IBTK: variants seen among roughly 807,000 people sequenced by gnomAD.
IBTK encodes inhibitor of Bruton tyrosine kinase.
A neutral mutation model predicts 154.9 loss-of-function variants in IBTK; 83 were observed. That is an observed-to-expected ratio of 0.54 (90% confidence interval 0.45 to 0.64). IBTK has a LOEUF of 0.64. Ranked by LOEUF, IBTK falls within the 30% of genes least tolerant of loss-of-function variation. IBTK has a pLI of 0.00. For synonymous variants in IBTK, 515 were observed against 536.1 expected (o/e 0.96, Z 0.54); for missense variants, 1,332 against 1,584.6 (o/e 0.84, Z 2.71).
In IBTK at chr6:82,173,381, A is replaced by T; in HGVS notation, c.3783T>A (p.Leu1261=). Residue 1261 remains leucine (L), a synonymous_variant, in exon 27 of 29, where the codon CTT becomes CTA. Transcript: ENST00000306270. ...PEGNHISDLP[L]LDSPNPWLSS... The stretch of plus-strand genomic sequence containing the variant: ...ATTAACCTTACTTGGGACTGTCTAG[A>T]AGTGGTAAATCTGAAATATGGTTGC... 6.2e-7 allele frequency: 1 copy of T among 1,613,100 alleles called. No homozygotes were observed. Among genetic ancestry groups the T allele is most frequent in the South Asian group, 1.1e-5 (1 of 91,008 alleles).
At chr6:82,222,781 A>T (rs1460999256) in intron 8 of IBTK, among the ~76,000 whole-genome samples, 1 of 151,936 alleles carries the variant, frequency 6.6e-6, no homozygotes, top group Non-Finnish European at 1.5e-5. Flanking sequence ...AAACTTTATG[A>T]AGCTGGGCGC....
chr6:82,220,467 C>T, intron 9 of IBTK, 123 bp downstream of exon 9: 1 of 999,856 alleles, frequency 1.0e-6, no homozygotes, highest in African/African-American at 1.7e-5. Context: ...TTTTGGCACC[C>T]AATACTAATC....
chr6:82,209,077 GAT>G (rs1455745225), intron 16 of IBTK, among the ~76,000 whole-genome samples: 1 of 152,152 alleles, frequency 6.6e-6, no homozygotes, highest in Admixed American at 6.5e-5. Context: ...AAAAAAGGTT[GAT>G]ATTAGTAAGT....
chr6:82,230,418 A>C (rs1770463098), intron 4 of IBTK, among the ~76,000 whole-genome samples: 1 of 152,204 alleles, frequency 6.6e-6, no homozygotes, highest in Non-Finnish European at 1.5e-5. Flanking sequence ...ATAAACACAT[A>C]ATTAGCTCTT....
Position 82,191,202 on chromosome 6 carries a change from T to C in IBTK, c.3446A>G (p.His1149Arg), listed in dbSNP as rs145495116. The part of the protein sequence containing the change: ...PKSHLGKTVS[H>R]GVKLSQKQRK... The stretch of plus-strand genomic sequence containing the variant: ...TTGCTTCTGAGAAAGTTTAACTCCA[T>C]GAGAAACTGTTTTGCTAGAAATTAA... The change falls in exon 25 of 29, where the codon CAT (histidine) becomes CGT (arginine). Residue 1149 changes from histidine to arginine, a missense_variant. Coordinates refer to ENST00000306270, the MANE Select transcript of IBTK (RefSeq NM_015525.4). 6.6e-4 allele frequency: 1,066 copies of C among 1,606,722 alleles called. No homozygotes were observed. Among genetic ancestry groups the C allele is most frequent in the Non-Finnish European group, 8.4e-4 (988 of 1,177,882 alleles).
At chr6:82,203,630 C>A (rs148692372) in intron 17 of IBTK, among the ~76,000 whole-genome samples, 40 of 152,084 alleles carry the variant, frequency 2.6e-4, no homozygotes, top group African/African-American at 9.2e-4. Context: ...AATCAGAGAC[C>A]AAAGGAGGTG....
At position 82,191,514 on chromosome 6, in the gene IBTK, T is replaced by C. The variant is rs1768768079; in HGVS notation, c.3431+273A>G. On this transcript the variant is annotated intron_variant, in intron 24 of 28. Transcript: ENST00000306270. Reference sequence around the variant, plus strand: ...ACTTGCATCACAAGCCTTAACTCTTTGGCTTTTGTAGCCAATAGTCCACAA... The same window carrying C: ...ACTTGCATCACAAGCCTTAACTCTTCGGCTTTTGTAGCCAATAGTCCACAA... The C allele has an allele frequency of 2.3e-5, 13 of 569,956 alleles. No individual in the cohort carries two copies. The South Asian group carries it at 2.7e-4, about 12-fold the overall frequency. 35.3% of individuals were successfully genotyped at this position (569,956 alleles called of 1,614,324 possible). A position where few individuals can be genotyped will look rare whatever the true frequency, so the allele number is the denominator to read the frequency against.
chr6:82,225,357 T>C (rs984725911), intron 6 of IBTK, 120 bp downstream of exon 6: 5 of 641,356 alleles, frequency 7.8e-6, no homozygotes, highest in Non-Finnish European at 1.3e-5. Flanking sequence ...TATATACCAC[T>C]GAAGATAAAG....
At chr6:82,202,798 T>C (rs1252915245) in intron 17 of IBTK, among the ~76,000 whole-genome samples, 153 bp from the exon 18 acceptor site, 2 of 152,204 alleles carry the variant, frequency 1.3e-5, no homozygotes, top group Non-Finnish European at 2.9e-5. Flanking sequence ...GGGGCAAATA[T>C]GTAACTCTTC....
In IBTK at chr6:82,226,776, T is replaced by C. The variant is rs1770314426; in HGVS notation, c.654+416A>G. On this transcript the variant is annotated intron_variant, in intron 5 of 28. Coordinates refer to ENST00000306270, the MANE Select transcript of IBTK (RefSeq NM_015525.4). ...CATGTACCACCATGCCCAGCTAATT[T>C]TGTATTTTTAATAGAGACAGGGTTT... 4.6e-5 allele frequency among the ~76,000 whole-genome samples: 7 copies of C among 152,188 alleles called. No homozygotes were observed. The South Asian group carries it at 6.2e-4, about 14-fold the overall frequency.
intron 2 of IBTK, among the ~76,000 whole-genome samples, chr6:82,234,986 G>C (rs768459511): frequency 2.0e-5 from 3 of 151,476 alleles, no homozygotes; most frequent in Admixed American, 6.6e-5. Context: ...TCAGCCTCCC[G>C]AGTAGCTGGG....
intron 24 of IBTK, 198 bp from the exon 25 acceptor site, chr6:82,191,414 A>C (rs1044989644): frequency 1.7e-6 from 1 of 579,820 alleles, no homozygotes; most frequent in African/African-American, 1.9e-5. Context: ...AACAATGAAA[A>C]TATCAGTTTA....
intron 25 of IBTK, among the ~76,000 whole-genome samples, chr6:82,188,545 C>T (rs918694016): frequency 6.6e-6 from 1 of 152,052 alleles, no homozygotes; most frequent in African/African-American, 2.4e-5. Context: ...GTGTGTGTTT[C>T]TGTTGGGTAT....
intron 15 of IBTK, 50 bp downstream of exon 15, chr6:82,211,317 A>T: frequency 6.9e-7 from 1 of 1,452,712 alleles, no homozygotes; most frequent in Admixed American, 2.1e-5. Context: ...TTTGCACAAA[A>T]TATAAAGAAA....
intron 1 of IBTK, among the ~76,000 whole-genome samples, chr6:82,243,913 T>G (rs1021945194): frequency 6.6e-6 from 1 of 152,122 alleles, no homozygotes; most frequent in Non-Finnish European, 1.5e-5. Flanking sequence ...AAAAAGAATG[T>G]TAAAAAGTCA....
intron 6 of IBTK, among the ~76,000 whole-genome samples, chr6:82,224,709 C>T (rs1376902436): frequency 2.6e-5 from 4 of 152,186 alleles, no homozygotes; most frequent in Non-Finnish European, 5.9e-5. Flanking sequence ...CTAACATCAA[C>T]TTGTCACGTG....
At chr6:82,221,612 A>G (rs1462090534) in intron 8 of IBTK, among the ~76,000 whole-genome samples, 1 of 152,196 alleles carries the variant, frequency 6.6e-6, no homozygotes, top group Non-Finnish European at 1.5e-5. Flanking sequence ...TTTTAAATTA[A>G]AGGAAAAAAA....
At chr6:82,207,372 A>C (rs9443969) in intron 16 of IBTK, among the ~76,000 whole-genome samples, 36,207 of 151,912 alleles carry the variant, frequency 0.24, 4,377 homozygotes, top group African/African-American at 0.28. Context: ...TTAACTAAGA[A>C]AGAGCAAGGC....
chr6:82,183,884 T>A (rs1227619757), intron 25 of IBTK, among the ~76,000 whole-genome samples: 1 of 152,194 alleles, frequency 6.6e-6, no homozygotes, highest in Non-Finnish European at 1.5e-5. Flanking sequence ...GGTTAACCCT[T>A]TTTGCTGTCT....
Sources: allele counts gnomAD v4.1 joint callset (sites outside exome capture counted in the v4.1 genomes callset), GRCh38; gene constraint gnomAD v4.1.1; transcripts MANE v1.5; gene names NCBI Gene and HGNC (gene_info 2026-07-23, HGNC 2026-07-21).